Variants in DENND11 observed in about 807,000 individuals in gnomAD.
The protein encoded by DENND11 is DENN domain-containing protein 11.
Under a neutral mutation model 49.2 loss-of-function variants are expected in DENND11, and 34 were observed. That is an observed-to-expected ratio of 0.69 (90% CI 0.53 to 0.92). The LOEUF (loss-of-function observed/expected upper bound fraction) is 0.92, where lower values mean the gene tolerates loss of function less well. Ranked by LOEUF, DENND11 falls within the 40% of genes least tolerant of loss-of-function variation. The pLI, the probability that DENND11 is intolerant of heterozygous loss-of-function variation, is 0.00. For missense variants in DENND11, 475 were observed against 581.6 expected (o/e 0.82, Z 1.88); for synonymous variants, 238 against 230.3 (o/e 1.03, Z -0.30).
In DENND11 at chr7:141,674,230, A is replaced by AACACACAC. The variant is rs35125206; in HGVS notation, c.528-18_528-11dup. The AACACACAC allele has an allele frequency of 2.5e-5, 38 of 1,494,680 alleles. No homozygotes were observed. In the African/African-American group the frequency reaches 2.8e-4, roughly 11 times the overall value. The allele number at this position is 1,494,680 out of a possible 1,614,324, so 92.6% of individuals were successfully genotyped here. The stretch of plus-strand genomic sequence containing the variant: ...CATCTCCAACTGGTGCCTGCAGAAA[A>AACACACAC]ACACACACACACACACACACACACA... On this transcript the variant is annotated splice_polypyrimidine_tract_variant and intron_variant, in intron 3 of 8. Transcript: ENST00000536163.
intron 1 of DENND11, among the ~76,000 whole-genome samples, chr7:141,693,775 G>A (rs1053760764): frequency 2.0e-5 from 3 of 152,182 alleles, no homozygotes; most frequent in Non-Finnish European, 2.9e-5. Context: ...TCAACTATGT[G>A]ACATTCTGGG....
chr7:141,680,062 C>T (rs1463764054), intron 3 of DENND11, among the ~76,000 whole-genome samples: 1 of 152,136 alleles, frequency 6.6e-6, no homozygotes, highest in Non-Finnish European at 1.5e-5. Context: ...TCATTTCTGA[C>T]AATTTAATAT....
In DENND11 at chr7:141,660,656, A is replaced by T. The variant is rs1286349771; in HGVS notation, c.*2000T>A. On this transcript the variant is annotated 3_prime_UTR_variant, in exon 9 of 9. Coordinates refer to ENST00000536163, the MANE Select transcript of DENND11 (RefSeq NM_001080392.2). ...TTCTTGTGTCCTCTAGGAGAATCAG[A>T]CCTTTCCTTTCACTTCTACTCCTGC... The T allele has an allele frequency of 1.3e-5, 2 of 152,218 alleles. No homozygotes were observed. The highest frequency in any genetic ancestry group is 2.9e-5 in the Non-Finnish European group (2 of 68,026). 9.4% of individuals were successfully genotyped at this position (152,218 alleles called of 1,614,324 possible).
In DENND11 at chr7:141,661,323, GCTTT is replaced by G. The variant is rs1797789714; in HGVS notation, c.*1329_*1332del. The G allele has an allele frequency of 6.6e-6, 1 of 152,200 alleles. No individual in the cohort carries two copies. Among genetic ancestry groups the G allele is most frequent in the Admixed American group, 6.5e-5 (1 of 15,286 alleles). 9.4% of individuals were successfully genotyped at this position (152,200 alleles called of 1,614,324 possible). A position where few individuals can be genotyped will look rare whatever the true frequency, so the allele number is the denominator to read the frequency against. On this transcript the variant is annotated 3_prime_UTR_variant, in exon 9 of 9. Transcript: ENST00000536163. ...GCCTAAACTCGACCCACAGGAACTG[GCTTT>G]CTAACTGGTTGACAAACACGTAAGC...
Position 141,662,417 on chromosome 7 carries a change from T to G in DENND11, c.*239A>C, listed in dbSNP as rs1797813010. 1 of 416,114 alleles carries G rather than the reference T, an allele frequency of 2.4e-6. No homozygotes were observed. Among genetic ancestry groups the G allele is most frequent in the Non-Finnish European group, 4.2e-6 (1 of 237,420 alleles). The allele number at this position is 416,114 out of a possible 1,614,324, so 25.8% of individuals were successfully genotyped here. A position where few individuals can be genotyped will look rare whatever the true frequency, so the allele number is the denominator to read the frequency against. On this transcript the variant is annotated 3_prime_UTR_variant, in exon 9 of 9. Coordinates refer to ENST00000536163, the MANE Select transcript of DENND11 (RefSeq NM_001080392.2). ...TGACCAAGCCCAGAGGACCAGCAGCTCTGGGAGAAAGTGGCAGATTCCAAT... is the reference window on the plus strand; with the variant it reads ...TGACCAAGCCCAGAGGACCAGCAGCGCTGGGAGAAAGTGGCAGATTCCAAT...
intron 3 of DENND11, among the ~76,000 whole-genome samples, chr7:141,677,418 TATATAC>T (rs1164832314): frequency 2.3e-4 from 31 of 132,816 alleles, no homozygotes; most frequent in Middle Eastern, 3.6e-3. Flanking sequence ...TATATATATA[TATATAC>T]ACATATATAT....
intron 4 of DENND11, among the ~76,000 whole-genome samples, chr7:141,671,787 A>C (rs1223208748): frequency 6.6e-6 from 1 of 152,220 alleles, no homozygotes; most frequent in Non-Finnish European, 1.5e-5. Context: ...AGCAGACAGA[A>C]AGAGAACAGG....
At chr7:141,665,847 T>C (rs895652219) in intron 5 of DENND11, among the ~76,000 whole-genome samples, 5 of 151,666 alleles carry the variant, frequency 3.3e-5, no homozygotes, top group African/African-American at 1.2e-4. Flanking sequence ...ACCCCTGCTG[T>C]GAAGGTCTCA....
At chr7:141,666,704 TA>T (rs1333938727) in intron 4 of DENND11, among the ~76,000 whole-genome samples, 1 of 152,126 alleles carries the variant, frequency 6.6e-6, no homozygotes, top group Non-Finnish European at 1.5e-5. Context: ...AAGCTAAATT[TA>T]AATTTAAAAA....
chr7:141,662,624 C>G lies in DENND11; in HGVS notation c.*32G>C. 1 of 1,498,250 alleles carries G rather than the reference C, an allele frequency of 6.7e-7. No individual in the cohort carries two copies. Among genetic ancestry groups the G allele is most frequent in the Non-Finnish European group, 8.9e-7 (1 of 1,123,042 alleles). 92.8% of individuals were successfully genotyped at this position (1,498,250 alleles called of 1,614,324 possible). On this transcript the variant is annotated 3_prime_UTR_variant, in exon 9 of 9. Coordinates refer to ENST00000536163, the MANE Select transcript of DENND11 (RefSeq NM_001080392.2). ...TGAACTCCGGGCTGCTGACATCCCA[C>G]GTGAAGTGGCTCCCAGTCCTGTTGG...
intron 4 of DENND11, among the ~76,000 whole-genome samples, chr7:141,673,569 AGAG>A (rs1218826827): frequency 6.6e-6 from 1 of 152,236 alleles, no homozygotes; most frequent in African/African-American, 2.4e-5. Context: ...GGGAAGAGAA[AGAG>A]GAGATTCATG....
chr7:141,685,012 C>CAA (rs869107786), intron 3 of DENND11, among the ~76,000 whole-genome samples: 3,196 of 39,988 alleles, frequency 0.08, 332 homozygotes, highest in Non-Finnish European at 0.088. Context: ...CTGTCTCTAC[C>CAA]AAAAAAAAAA....
chr7:141,690,136 G>T (rs1319425062), intron 1 of DENND11, among the ~76,000 whole-genome samples: 1 of 152,208 alleles, frequency 6.6e-6, no homozygotes, highest in African/African-American at 2.4e-5. Flanking sequence ...CAGTGCAGAA[G>T]GTCCACTGCA....
At chr7:141,668,744 C>T (rs1160859601) in intron 4 of DENND11, among the ~76,000 whole-genome samples, 1 of 152,248 alleles carries the variant, frequency 6.6e-6, no homozygotes, top group Non-Finnish European at 1.5e-5. Context: ...CCCACAGGGC[C>T]ACCTCCTTTC....
chr7:141,680,362 T>TACAC (rs548169102), intron 3 of DENND11, among the ~76,000 whole-genome samples: 3 of 151,746 alleles, frequency 2.0e-5, no homozygotes, highest in Non-Finnish European at 4.4e-5. Flanking sequence ...TTTGTATATA[T>TACAC]ACACACACAC....
At chr7:141,701,794 A>C in intron 1 of DENND11, 92 bp downstream of exon 1, 2 of 1,008,710 alleles carry the variant, frequency 2.0e-6, no homozygotes, top group South Asian at 4.7e-5. Context: ...CCGGGAGGGC[A>C]GGTGCGCGCG....
At chr7:141,687,876 C>T (rs1008707031) in intron 1 of DENND11, among the ~76,000 whole-genome samples, 5 of 152,020 alleles carry the variant, frequency 3.3e-5, no homozygotes, top group African/African-American at 4.8e-5. Context: ...CCTTGTGATC[C>T]GCCCACCTCA....
In DENND11 at chr7:141,685,654, C is replaced by T. The variant is rs754952587; in HGVS notation, c.369-18G>A. 1.7e-5 allele frequency: 28 copies of T among 1,612,708 alleles called. No individual in the cohort carries two copies. The highest frequency in any genetic ancestry group is 4.4e-5 in the South Asian group (4 of 91,050). On this transcript the variant is annotated intron_variant, in intron 2 of 8. Coordinates refer to ENST00000536163, the MANE Select transcript of DENND11 (RefSeq NM_001080392.2). ...GGAAATAGCTAGAAGAGACCAAATA[C>T]GTAGTGTGGCTCAAGATCAGAGAGG...
chr7:141,670,011 C>T (rs940038528), intron 4 of DENND11, among the ~76,000 whole-genome samples: 5 of 150,818 alleles, frequency 3.3e-5, no homozygotes, highest in African/African-American at 9.9e-5. Context: ...GGGGTTTCAC[C>T]GTGTTAGCCA....
Sources: allele counts gnomAD v4.1 joint callset (sites outside exome capture counted in the v4.1 genomes callset), GRCh38; gene constraint gnomAD v4.1.1; transcripts MANE v1.5; gene names NCBI Gene and HGNC (gene_info 2026-07-23, HGNC 2026-07-21).